Variants in FOXJ3 observed in about 807,000 individuals in gnomAD.
FOXJ3 encodes forkhead box protein J3.
A neutral mutation model predicts 76.1 loss-of-function variants in FOXJ3; 22 were observed. The ratio of observed to expected loss-of-function variants is 0.29; its 90% confidence interval spans 0.21 to 0.41. The LOEUF (loss-of-function observed/expected upper bound fraction) is 0.41, where lower values mean the gene tolerates loss of function less well. Ranked by LOEUF, FOXJ3 falls within the 10% of genes least tolerant of loss-of-function variation. The pLI is 1.00. For synonymous variants in FOXJ3, 269 were observed against 261.2 expected, an observed-to-expected ratio of 1.03 and a Z score of -0.29; for missense variants, 613 against 762.1, an observed-to-expected ratio of 0.80 and a Z score of 2.30.
At chr1:42,211,385 T>C (rs183334085) in intron 5 of FOXJ3, among the ~76,000 whole-genome samples, 37 of 152,204 alleles carry the variant, frequency 2.4e-4, no homozygotes, top group Admixed American at 7.2e-4. Flanking sequence ...AGCTGGAACA[T>C]CTGGTCAGGA....
At chr1:42,211,578 G>A (rs1272418216) in intron 5 of FOXJ3, among the ~76,000 whole-genome samples, 1 of 151,944 alleles carries the variant, frequency 6.6e-6, no homozygotes, top group Non-Finnish European at 1.5e-5. Flanking sequence ...CCATACCTGT[G>A]GATACCTCCT....
At chr1:42,218,517 G>A (rs1647116668) in intron 5 of FOXJ3, among the ~76,000 whole-genome samples, 2 of 152,188 alleles carry the variant, frequency 1.3e-5, no homozygotes, top group Non-Finnish European at 2.9e-5. Flanking sequence ...AGGATAGTGA[G>A]TTGACAGATC....
At chr1:42,318,731 G>A (rs1192702844) in intron 1 of FOXJ3, among the ~76,000 whole-genome samples, 1 of 152,176 alleles carries the variant, frequency 6.6e-6, no homozygotes, top group Non-Finnish European at 1.5e-5. Flanking sequence ...GTGTTGCAAT[G>A]ACGTGGAGAA....
At chr1:42,223,294 G>A (rs921315115) in intron 5 of FOXJ3, among the ~76,000 whole-genome samples, 3 of 152,104 alleles carry the variant, frequency 2.0e-5, no homozygotes, top group Non-Finnish European at 4.4e-5. Flanking sequence ...CTCTTGCAAT[G>A]GGTTATGTGA....
At chr1:42,300,839 A>G (rs1654098414) in intron 2 of FOXJ3, among the ~76,000 whole-genome samples, 1 of 152,122 alleles carries the variant, frequency 6.6e-6, no homozygotes, top group African/African-American at 2.4e-5. Flanking sequence ...ATAGGCCCCC[A>G]ATCTCTTCCA....
chr1:42,188,529 T>A (rs1646481348), intron 11 of FOXJ3, among the ~76,000 whole-genome samples: 1 of 152,178 alleles, frequency 6.6e-6, no homozygotes, highest in African/African-American at 2.4e-5. Flanking sequence ...ATCATATAAA[T>A]CACAACAGAA....
At chr1:42,256,590 T>C (rs913321747) in intron 4 of FOXJ3, among the ~76,000 whole-genome samples, 33 of 152,298 alleles carry the variant, frequency 2.2e-4, no homozygotes, top group African/African-American at 7.5e-4. Context: ...TAACCAACTG[T>C]TGGCCATGGG....
chr1:42,195,387 T>G (rs1016773778), intron 7 of FOXJ3, among the ~76,000 whole-genome samples: 4 of 152,242 alleles, frequency 2.6e-5, no homozygotes, highest in African/African-American at 9.6e-5. Context: ...CTGTAGAATC[T>G]TCAATCTTGA....
At chr1:42,263,259 A>T (rs1483930690) in intron 4 of FOXJ3, among the ~76,000 whole-genome samples, 2 of 152,226 alleles carry the variant, frequency 1.3e-5, no homozygotes, top group African/African-American at 4.8e-5. Context: ...AAAATCAAGT[A>T]CATGATAGAA....
At chr1:42,216,154 T>C (rs1647060071) in intron 5 of FOXJ3, among the ~76,000 whole-genome samples, 4 of 152,186 alleles carry the variant, frequency 2.6e-5, no homozygotes, top group Non-Finnish European at 5.9e-5. Flanking sequence ...GGGGAAATTA[T>C]AGCAAAGAAA....
At chr1:42,180,021 C>A (rs916356037) in intron 12 of FOXJ3, among the ~76,000 whole-genome samples, 196 bp from the exon 13 acceptor site, 1 of 151,990 alleles carries the variant, frequency 6.6e-6, no homozygotes, top group African/African-American at 2.4e-5. Context: ...AGTAAATTAC[C>A]CAAAGTCACA....
chr1:42,256,688 G>A (rs1456053291), intron 4 of FOXJ3, among the ~76,000 whole-genome samples: 1 of 152,224 alleles, frequency 6.6e-6, no homozygotes, highest in Non-Finnish European at 1.5e-5. Context: ...TTCTTATAAA[G>A]TTAACCTTCC....
chr1:42,213,394 C>A (rs12132860), intron 5 of FOXJ3, among the ~76,000 whole-genome samples: 1 of 151,246 alleles, frequency 6.6e-6, no homozygotes, highest in East Asian at 1.9e-4. Flanking sequence ...AAAGATATTT[C>A]TGGCAAATGG....
intron 1 of FOXJ3, among the ~76,000 whole-genome samples, chr1:42,332,412 G>A (rs936966967): frequency 1.6e-4 from 25 of 152,098 alleles, no homozygotes; most frequent in Non-Finnish European, 1.9e-4. Context: ...AAGATTTAAT[G>A]AATTAAACAA....
At chr1:42,280,453 A>AAC (rs1652619324) in intron 2 of FOXJ3, 1 of 967,414 alleles carries the variant, frequency 1.0e-6, no homozygotes, top group Non-Finnish European at 1.2e-6. Context: ...AAAAAAAAAA[A>AAC]AAAAAAAAAA....
chr1:42,249,158 G>A (rs1474964942), intron 4 of FOXJ3, among the ~76,000 whole-genome samples: 1 of 152,104 alleles, frequency 6.6e-6, no homozygotes, highest in East Asian at 1.9e-4. Flanking sequence ...GGGCATTTGG[G>A]TTGATTCCAT....
chr1:42,259,171 C>T (rs1334020604), intron 4 of FOXJ3, among the ~76,000 whole-genome samples: 1 of 152,098 alleles, frequency 6.6e-6, no homozygotes, highest in Non-Finnish European at 1.5e-5. Context: ...ATATGAGTCC[C>T]ATTTATATGG....
Position 42,272,874 on chromosome 1 carries a change from C to T in FOXJ3, c.369+5474G>A, listed in dbSNP as rs778713849. On this transcript the variant is annotated intron_variant, in intron 3 of 12. Coordinates refer to ENST00000361346, the MANE Select transcript of FOXJ3 (RefSeq NM_014947.5). ...GGATCTCCATATTCTGACTCTATCA[C>T]GTTCTCTACTGCAAGCCACTATAAC... is the stretch of plus-strand genomic sequence containing the variant. 5.9e-5 allele frequency among the ~76,000 whole-genome samples: 9 copies of T among 152,200 alleles called. 1 individual carries two copies. Among genetic ancestry groups the T allele is most frequent in the Non-Finnish European group, 1.3e-4 (9 of 68,032 alleles).
intron 4 of FOXJ3, among the ~76,000 whole-genome samples, chr1:42,263,476 T>C (rs1336857209): frequency 6.6e-6 from 1 of 152,234 alleles, no homozygotes; most frequent in Non-Finnish European, 1.5e-5. Context: ...AATTTATTTT[T>C]AAAATCTAAT....
Sources: allele counts gnomAD v4.1 joint callset (sites outside exome capture counted in the v4.1 genomes callset), GRCh38; gene constraint gnomAD v4.1.1; transcripts MANE v1.5; gene names NCBI Gene and HGNC (gene_info 2026-07-23, HGNC 2026-07-21).